Variants in ENTPD1 observed in about 807,000 individuals in gnomAD.
The protein encoded by ENTPD1 is ectonucleoside triphosphate diphosphohydrolase 1, also known as ATP diphosphohydrolase.
A neutral mutation model predicts 57.0 loss-of-function variants in ENTPD1; 33 were observed. That is an observed-to-expected ratio of 0.58 (90% confidence interval 0.44 to 0.77). The LOEUF is 0.77. Ranked by LOEUF, ENTPD1 falls within the 30% of genes least tolerant of loss-of-function variation. The probability of loss-of-function intolerance (pLI) is 0.00; values close to 1 mark genes in which losing one functional copy is unlikely to be tolerated. For synonymous variants in ENTPD1, 202 were observed against 218.8 expected (o/e 0.92, Z 0.68); for missense variants, 501 against 603.4 (o/e 0.83, Z 1.78).
At chr10:95,852,730 C>T (rs963077431) in intron 7 of ENTPD1, among the ~76,000 whole-genome samples, 6 of 152,098 alleles carry the variant, frequency 3.9e-5, no homozygotes, top group African/African-American at 1.4e-4. Flanking sequence ...TGTCAAAGAT[C>T]GGATAGTTGT....
intron 1 of ENTPD1, among the ~76,000 whole-genome samples, chr10:95,819,208 G>A (rs1446271236): frequency 6.6e-6 from 1 of 152,156 alleles, no homozygotes; most frequent in Non-Finnish European, 1.5e-5. Flanking sequence ...CTGTTGCCCA[G>A]GCTAGAGTGC....
chr10:95,867,782 T>C lies in ENTPD1; in HGVS notation c.*1399T>C, dbSNP rs2098476055. The C allele has an allele frequency of 4.1e-6, 4 of 985,440 alleles. No homozygotes were observed. Among genetic ancestry groups the C allele is most frequent in the Non-Finnish European group, 4.8e-6 (4 of 829,918 alleles). The allele number at this position is 985,440 out of a possible 1,614,324, so 61.0% of individuals were successfully genotyped here. On this transcript the variant is annotated 3_prime_UTR_variant, in exon 10 of 10. Transcript: ENST00000371205. ...TCCATCTCTAGATCTGGGGACTGAC[T>C]GTTGAGCTGATGGGGAAAGAAAAGC...
At chr10:95,819,221 T>C (rs1182949191) in intron 1 of ENTPD1, among the ~76,000 whole-genome samples, 1 of 152,220 alleles carries the variant, frequency 6.6e-6, no homozygotes, top group Non-Finnish European at 1.5e-5. Context: ...TAGAGTGCAG[T>C]GGTGTGATCT....
intron 3 of ENTPD1, among the ~76,000 whole-genome samples, chr10:95,840,360 A>G (rs1392072113): frequency 6.6e-6 from 1 of 152,182 alleles, no homozygotes. Flanking sequence ...AAGCCTGATA[A>G]TCTGTATTTC....
At chr10:95,839,954 T>C in intron 3 of ENTPD1, 146 bp downstream of exon 3, 1 of 761,162 alleles carries the variant, frequency 1.3e-6, no homozygotes, top group Non-Finnish European at 2.2e-6. Flanking sequence ...TGTTATGTTA[T>C]CGTTACAGAA....
chr10:95,834,901 T>C (rs2098405757), intron 2 of ENTPD1, among the ~76,000 whole-genome samples: 1 of 151,764 alleles, frequency 6.6e-6, no homozygotes, highest in African/African-American at 2.4e-5. Flanking sequence ...CCAGCCTGGG[T>C]GACAGAGCGA....
chr10:95,755,909 G>C (rs962549063), upstream of ENTPD1: 1 of 1,511,184 alleles, frequency 6.6e-7, no homozygotes, highest in Admixed American at 2.1e-5. Flanking sequence ...GAGGGAGTAA[G>C]GGAGAGAGGG....
upstream of ENTPD1, chr10:95,753,258 T>C (rs911517827): frequency 2.6e-5 from 4 of 152,230 alleles, no homozygotes; most frequent in Non-Finnish European, 5.9e-5. Flanking sequence ...TTTAGAAAGA[T>C]ACACACAAAC....
chr10:95,741,217 T>A (rs1478959048), intron 1 of ENTPD1, among the ~76,000 whole-genome samples: 2 of 152,160 alleles, frequency 1.3e-5, no homozygotes, highest in African/African-American at 2.4e-5. Flanking sequence ...TTACAGGCCA[T>A]TGTAAGGTTA....
At chr10:95,775,355 C>T (rs902907883) in intron 1 of ENTPD1, among the ~76,000 whole-genome samples, 1 of 152,144 alleles carries the variant, frequency 6.6e-6, no homozygotes, top group African/African-American at 2.4e-5. Flanking sequence ...CCAGAACTTC[C>T]AACACTATGT....
chr10:95,771,375 G>A (rs890539114), intron 1 of ENTPD1, among the ~76,000 whole-genome samples: 1 of 151,968 alleles, frequency 6.6e-6, no homozygotes, highest in Non-Finnish European at 1.5e-5. Flanking sequence ...AGTTTCTTTA[G>A]GATCAATTCC....
chr10:95,861,443 G>A (rs1210783804), intron 8 of ENTPD1: 2 of 152,160 alleles, frequency 1.3e-5, no homozygotes, highest in Non-Finnish European at 2.9e-5. Flanking sequence ...AGTGAATGGT[G>A]TTTTCATTCT....
At chr10:95,853,553 A>G (rs2098449207) in intron 7 of ENTPD1, among the ~76,000 whole-genome samples, 1 of 152,152 alleles carries the variant, frequency 6.6e-6, no homozygotes, top group South Asian at 2.1e-4. Flanking sequence ...ATTCAGTATG[A>G]TATTGGCTGT....
chr10:95,732,052 G>A (rs2097989887), intron 1 of ENTPD1, among the ~76,000 whole-genome samples: 1 of 151,674 alleles, frequency 6.6e-6, no homozygotes, highest in African/African-American at 2.4e-5. Flanking sequence ...CAAAGTGCTG[G>A]GATTACAGGT....
chr10:95,751,944 G>A (rs2098012654), upstream of ENTPD1, among the ~76,000 whole-genome samples: 1 of 152,094 alleles, frequency 6.6e-6, no homozygotes, highest in African/African-American at 2.4e-5. Context: ...GGGAGAGAAG[G>A]CAAAGGGTGA....
intron 1 of ENTPD1, among the ~76,000 whole-genome samples, chr10:95,762,951 A>G (rs2098072302): frequency 6.6e-6 from 1 of 152,106 alleles, no homozygotes; most frequent in South Asian, 2.1e-4. Context: ...TCTTTTGTAT[A>G]CTTTTTACAT....
At chr10:95,730,581 T>C (rs2097988055) in intron 1 of ENTPD1, among the ~76,000 whole-genome samples, 3 of 152,280 alleles carry the variant, frequency 2.0e-5, no homozygotes, top group African/African-American at 7.2e-5. Context: ...TATTAGAAAC[T>C]GATATATAAT....
chr10:95,755,501 AAAG>A, upstream of ENTPD1: 1 of 597,094 alleles, frequency 1.7e-6, no homozygotes, highest in South Asian at 2.1e-5. Flanking sequence ...ATTAGACTTC[AAAG>A]GTAGGAAGTC....
chr10:95,855,661 G>T (rs1358014379), intron 7 of ENTPD1, among the ~76,000 whole-genome samples: 1 of 152,182 alleles, frequency 6.6e-6, no homozygotes, highest in Non-Finnish European at 1.5e-5. Context: ...GTGTTTGCTT[G>T]TCTGTAAAGT....
Sources: allele counts gnomAD v4.1 joint callset (sites outside exome capture counted in the v4.1 genomes callset), GRCh38; gene constraint gnomAD v4.1.1; transcripts MANE v1.5; gene names NCBI Gene and HGNC (gene_info 2026-07-23, HGNC 2026-07-21).